Variants in NELL1 observed in about 807,000 individuals in gnomAD.
NELL1 encodes protein kinase C-binding protein NELL1.
Under a neutral mutation model 107.4 loss-of-function variants are expected in NELL1, and 76 were observed. The ratio of observed to expected loss-of-function variants is 0.71; its 90% CI spans 0.59 to 0.86. The LOEUF (loss-of-function observed/expected upper bound fraction) is 0.86, where lower values mean the gene tolerates loss of function less well. Among genes scored for constraint, NELL1 ranks in the 40% least tolerant of loss-of-function variants. NELL1 has a pLI of 0.00. For synonymous variants in NELL1, 353 were observed against 341.2 expected, an observed-to-expected ratio of 1.03 and a Z score of -0.38; for missense variants, 1,024 against 1,005.5, an observed-to-expected ratio of 1.02 and a Z score of -0.25.
chr11:21,079,161 G>T (rs12225793), intron 12 of NELL1, among the ~76,000 whole-genome samples: 22,882 of 151,886 alleles, frequency 0.15, 1,934 homozygotes, highest in East Asian at 0.29. Context: ...AAAGAATTGT[G>T]AGTGACTAGA....
At chr11:20,711,601 T>A (rs1438923447) in intron 2 of NELL1, among the ~76,000 whole-genome samples, 2 of 152,150 alleles carry the variant, frequency 1.3e-5, no homozygotes, top group East Asian at 1.9e-4. Context: ...TAAGCAATTT[T>A]TTTTTTGTCT....
At chr11:21,174,581 AG>A (rs1381880450) in intron 13 of NELL1, among the ~76,000 whole-genome samples, 2 of 151,864 alleles carry the variant, frequency 1.3e-5, no homozygotes, top group East Asian at 3.9e-4. Flanking sequence ...GGTGGAAAAA[AG>A]AAAAACTGCT....
At chr11:20,963,107 A>G (rs1439994226) in intron 12 of NELL1, among the ~76,000 whole-genome samples, 4 of 152,102 alleles carry the variant, frequency 2.6e-5, no homozygotes, top group African/African-American at 4.8e-5. Flanking sequence ...CCGTGATTGC[A>G]TGATGACTTC....
rs139198110 is a variant in NELL1, at chr11:21,250,135, A to G, written c.1549+20681A>G. Among the ~76,000 whole-genome samples, 1,089 of 152,284 alleles carry G rather than the reference A, an allele frequency of 7.2e-3. 17 individuals are homozygous for G. Among genetic ancestry groups the G allele is most frequent in the African/African-American group, 0.024 (1,009 of 41,554 alleles). ...TTGGCAACAAACCAGCAACTATTTAAAAGTGTCATAAGGGTTCATTCTTTG... is the reference window on the plus strand; with the variant it reads ...TTGGCAACAAACCAGCAACTATTTAGAAGTGTCATAAGGGTTCATTCTTTG... On this transcript the variant is annotated intron_variant, in intron 14 of 19. Transcript: ENST00000357134.
chr11:21,434,616 A>T (rs1853057716), intron 15 of NELL1, among the ~76,000 whole-genome samples: 1 of 152,142 alleles, frequency 6.6e-6, no homozygotes, highest in Non-Finnish European at 1.5e-5. Flanking sequence ...CTTTGAAGTC[A>T]GGTAGTGTGA....
At chr11:21,542,944 C>CTAAT (rs1313228388) in intron 16 of NELL1, among the ~76,000 whole-genome samples, 3 of 151,896 alleles carry the variant, frequency 2.0e-5, no homozygotes, top group African/African-American at 7.3e-5. Context: ...ATAAATTATT[C>CTAAT]TAATTTAAAA....
chr11:20,695,633 T>C (rs192475339), intron 2 of NELL1, among the ~76,000 whole-genome samples: 6 of 152,184 alleles, frequency 3.9e-5, no homozygotes, highest in Admixed American at 3.3e-4. Context: ...TACTTGATCA[T>C]GATGAATTAA....
At chr11:20,789,490 G>C (rs1857033865) in intron 3 of NELL1, among the ~76,000 whole-genome samples, 1 of 152,192 alleles carries the variant, frequency 6.6e-6, no homozygotes, top group Admixed American at 6.5e-5. Flanking sequence ...TCACAGCCCT[G>C]GCTCGGGGAG....
At chr11:21,117,621 A>G (rs1855268726) in intron 13 of NELL1, among the ~76,000 whole-genome samples, 1 of 152,072 alleles carries the variant, frequency 6.6e-6, no homozygotes, top group South Asian at 2.1e-4. Context: ...TGTTCAGAAC[A>G]TTCTATTGGA....
intron 12 of NELL1, among the ~76,000 whole-genome samples, chr11:20,989,714 C>T (rs952660677): frequency 1.8e-4 from 27 of 152,006 alleles, no homozygotes; most frequent in African/African-American, 4.1e-4. Flanking sequence ...CAGTCTAGGC[C>T]GGGTGTGGTG....
intron 14 of NELL1, among the ~76,000 whole-genome samples, chr11:21,275,523 A>C (rs1380237141): frequency 2.6e-5 from 4 of 152,226 alleles, no homozygotes; most frequent in Non-Finnish European, 5.9e-5. Context: ...CAATAGAAAA[A>C]GAGGGAATCC....
rs1028640263 is a variant in NELL1 at position 21,534,306 on chromosome 11, C to T, written c.1646-68C>T. ...TATGTTGACATGAGCATGTTTTAGGCATTTCCTGAAAGGTTAGTGTCAAAA... is the reference window on the plus strand; with the variant it reads ...TATGTTGACATGAGCATGTTTTAGGTATTTCCTGAAAGGTTAGTGTCAAAA... On this transcript the variant is annotated intron_variant, in intron 15 of 19. Transcript: ENST00000357134. The T allele has an allele frequency of 2.3e-5, 36 of 1,571,210 alleles. No homozygotes were observed. The East Asian group carries it at 7.6e-4, about 33-fold the overall frequency.
chr11:21,181,737 T>A (rs1313309799), intron 13 of NELL1, among the ~76,000 whole-genome samples: 2 of 152,064 alleles, frequency 1.3e-5, no homozygotes, highest in East Asian at 1.9e-4. Context: ...ATTTTTCCAC[T>A]TTCTTAAATG....
At chr11:21,411,939 C>T (rs1178636334) in intron 15 of NELL1, among the ~76,000 whole-genome samples, 1 of 152,056 alleles carries the variant, frequency 6.6e-6, no homozygotes, top group Non-Finnish European at 1.5e-5. Flanking sequence ...GAGGTTTGTA[C>T]TGATGACCTT....
At chr11:21,187,342 T>C (rs915827617) in intron 13 of NELL1, among the ~76,000 whole-genome samples, 11 of 151,780 alleles carry the variant, frequency 7.2e-5, no homozygotes, top group Non-Finnish European at 1.2e-4. Context: ...GTTTTCCTTT[T>C]GGTAATTAGA....
At chr11:21,006,337 C>A (rs1188071498) in intron 12 of NELL1, among the ~76,000 whole-genome samples, 1 of 152,132 alleles carries the variant, frequency 6.6e-6, no homozygotes, top group Non-Finnish European at 1.5e-5. Context: ...GCGATGCCTT[C>A]TGCCACGTTA....
At chr11:20,742,229 C>T (rs145602142) in intron 2 of NELL1, among the ~76,000 whole-genome samples, 338 of 152,262 alleles carry the variant, frequency 2.2e-3, no homozygotes, top group Non-Finnish European at 3.6e-3. Context: ...AGTGCTGTGG[C>T]GGACACATCC....
chr11:21,238,184 C>G (rs1858259304), intron 14 of NELL1, among the ~76,000 whole-genome samples: 1 of 152,022 alleles, frequency 6.6e-6, no homozygotes, highest in Non-Finnish European at 1.5e-5. Context: ...TAAGTATTTT[C>G]TTTGATTTCT....
chr11:20,784,414 G>A (rs1030581251), intron 3 of NELL1, among the ~76,000 whole-genome samples: 1 of 152,178 alleles, frequency 6.6e-6, no homozygotes, highest in African/African-American at 2.4e-5. Context: ...TGCTGAATGC[G>A]AAGGAGTAAG....
Sources: allele counts gnomAD v4.1 joint callset (sites outside exome capture counted in the v4.1 genomes callset), GRCh38; gene constraint gnomAD v4.1.1; transcripts MANE v1.5; gene names NCBI Gene and HGNC (gene_info 2026-07-23, HGNC 2026-07-21).